Variants in MTARC1 observed in about 807,000 individuals in gnomAD.
MTARC1 encodes mitochondrial amidoxime reducing component 1, also known as mitochondrial amidoxime-reducing component 1.
In MTARC1, 24 loss-of-function variants were observed where a neutral mutation model predicts 33.6. The ratio of observed to expected loss-of-function variants is 0.72; its 90% CI spans 0.52 to 1.01. The LOEUF (loss-of-function observed/expected upper bound fraction) is 1.01, where lower values mean the gene tolerates loss of function less well. Ranked by LOEUF, MTARC1 falls within the 50% of genes least tolerant of loss-of-function variation. MTARC1 has a pLI of 0.00. For missense variants in MTARC1, 417 were observed against 445.7 expected (o/e 0.94, Z 0.58); for synonymous variants, 187 against 189.5 (o/e 0.99, Z 0.11).
At chr1:220,793,057 C>T (rs1008655181) in intron 2 of MTARC1, 4 of 152,078 alleles carry the variant, frequency 2.6e-5, no homozygotes, top group African/African-American at 9.7e-5. Flanking sequence ...AATATGGATC[C>T]TGTAGGCTTT....
intron 4 of MTARC1, among the ~76,000 whole-genome samples, chr1:220,802,921 G>A (rs531689074): frequency 6.6e-6 from 1 of 152,320 alleles, no homozygotes; most frequent in South Asian, 2.1e-4. Flanking sequence ...AATCATCAGT[G>A]TTGCTGACTT....
chr1:220,811,442 G>A (rs1448110124), intron 6 of MTARC1, among the ~76,000 whole-genome samples: 1 of 152,206 alleles, frequency 6.6e-6, no homozygotes, highest in Non-Finnish European at 1.5e-5. Context: ...TGGACACAGT[G>A]CTGCCTACAG....
rs368599756 is a variant in MTARC1 at position 220,805,290 on chromosome 1, C to T, written c.887+16C>T. On this transcript the variant is annotated intron_variant, in intron 6 of 6. Coordinates refer to ENST00000366910, the MANE Select transcript of MTARC1 (RefSeq NM_022746.4). The stretch of plus-strand genomic sequence containing the variant: ...CACTGAAGAGGTAGGACTGGGCAGA[C>T]GGGGCTCATCCTCGGGTTTAGGTGC... 31 of 1,612,154 alleles carry T rather than the reference C, an allele frequency of 1.9e-5. No homozygotes were observed. In the East Asian group the frequency reaches 2.9e-4, roughly 15 times the overall value.
intron 6 of MTARC1, among the ~76,000 whole-genome samples, chr1:220,807,564 CAG>C (rs750991213): frequency 9.9e-5 from 15 of 152,120 alleles, no homozygotes; most frequent in Non-Finnish European, 1.6e-4. Context: ...ATTTGGATGA[CAG>C]AGTGAGACTC....
chr1:220,799,023 G>A, intron 4 of MTARC1: 14 of 985,368 alleles, frequency 1.4e-5, no homozygotes, highest in Non-Finnish European at 1.7e-5. Flanking sequence ...ATGACTTTGA[G>A]CAGCCCCGCT....
rs572119643 is a variant in MTARC1, at chr1:220,816,053, G to A, written c.*2635G>A. The A allele has an allele frequency of 1.3e-4, 20 of 152,390 alleles. No homozygotes were observed. Among genetic ancestry groups the A allele is most frequent in the African/African-American group, 4.6e-4 (19 of 41,582 alleles). The allele number at this position is 152,390 out of a possible 1,614,324, so 9.4% of individuals were successfully genotyped here. The stretch of plus-strand genomic sequence containing the variant: ...GAAATTGGGGAAGGGGAGGCTGTTG[G>A]AATTCAGGCCGTTGTCCTATAGGGA... On this transcript the variant is annotated 3_prime_UTR_variant, in exon 7 of 7. Transcript: ENST00000366910.
intron 4 of MTARC1, chr1:220,798,631 C>A: frequency 1.0e-6 from 1 of 953,844 alleles, no homozygotes; most frequent in Non-Finnish European, 1.2e-6. Context: ...TAACTTGATT[C>A]TCTCCCTGGG....
intron 4 of MTARC1, among the ~76,000 whole-genome samples, chr1:220,804,696 G>GT (rs1183944155): frequency 2.7e-5 from 4 of 150,180 alleles, no homozygotes; most frequent in Middle Eastern, 6.8e-3. Context: ...GCCCCCATCT[G>GT]TCCCCCTCCC....
intron 6 of MTARC1, among the ~76,000 whole-genome samples, chr1:220,811,800 A>G (rs1182127913): frequency 1.3e-5 from 2 of 152,190 alleles, no homozygotes; most frequent in African/African-American, 4.8e-5. Flanking sequence ...AAAAATATTC[A>G]TATTTATACT....
At chr1:220,809,307 G>A (rs1558093779) in intron 6 of MTARC1, among the ~76,000 whole-genome samples, 2 of 152,070 alleles carry the variant, frequency 1.3e-5, no homozygotes, top group African/African-American at 2.4e-5. Flanking sequence ...TGTAAGCTGC[G>A]GTCATTGAGA....
intron 4 of MTARC1, among the ~76,000 whole-genome samples, chr1:220,801,247 T>C (rs11118605): frequency 6.6e-6 from 1 of 151,774 alleles, no homozygotes; most frequent in Non-Finnish European, 1.5e-5. Context: ...GCCCCAGCTG[T>C]GTCCTCTGCC....
chr1:220,806,110 A>G (rs72472341), intron 6 of MTARC1, among the ~76,000 whole-genome samples: 4,174 of 152,324 alleles, frequency 0.027, 206 homozygotes, highest in African/African-American at 0.094. Context: ...TAAACTTTCT[A>G]TAATTACTCT....
intron 6 of MTARC1, among the ~76,000 whole-genome samples, chr1:220,808,123 T>C (rs531504439): frequency 6.6e-6 from 1 of 152,320 alleles, no homozygotes; most frequent in East Asian, 1.9e-4. Context: ...GGGGCATCCT[T>C]CCCTCTGGAT....
Position 220,787,073 on chromosome 1 carries a change from A to T in MTARC1, c.129A>T (p.Ala43=). The change falls in exon 1 of 7, where the codon GCA becomes GCT. Residue 43 remains alanine, a synonymous_variant. Transcript: ENST00000366910. ...VALGAVAWRR[A]WPTRRRRLLQ... is the part of the protein sequence containing the mutation. ...TGGGGGCTGTCGCCTGGCGCCGCGC[A>T]TGGCCCACGCGGCGCCGGCGGCTGC... The T allele has an allele frequency of 6.8e-7, 1 of 1,478,078 alleles. No individual in the cohort carries two copies. Among genetic ancestry groups the T allele is most frequent in the South Asian group, 1.3e-5 (1 of 75,872 alleles). The allele number at this position is 1,478,078 out of a possible 1,614,324, so 91.6% of individuals were successfully genotyped here. A position where few individuals can be genotyped will look rare whatever the true frequency, so the allele number is the denominator to read the frequency against.
intron 1 of MTARC1, 52 bp downstream of exon 1, chr1:220,787,271 G>A (rs1265093497): frequency 4.0e-6 from 6 of 1,509,934 alleles, no homozygotes; most frequent in Middle Eastern, 2.1e-4. Flanking sequence ...GGGGCAAGGG[G>A]GTGAGAAGGG....
chr1:220,787,287 C>A (rs752714121), intron 1 of MTARC1, 68 bp downstream of exon 1: 16 of 1,469,572 alleles, frequency 1.1e-5, no homozygotes, highest in Non-Finnish European at 1.4e-5. Flanking sequence ...AAGGGAGGAG[C>A]GCAGGGGAGG....
chr1:220,803,801 G>GT (rs60610477), intron 4 of MTARC1, among the ~76,000 whole-genome samples: 35 of 151,934 alleles, frequency 2.3e-4, no homozygotes, highest in Non-Finnish European at 4.1e-4. Flanking sequence ...CTTTTTATGT[G>GT]TTTTTTTGTG....
chr1:220,811,514 C>A (rs559399514), intron 6 of MTARC1, among the ~76,000 whole-genome samples: 1 of 152,352 alleles, frequency 6.6e-6, no homozygotes, highest in African/African-American at 2.4e-5. Flanking sequence ...ATTTGACTCT[C>A]TGTTTTCTCC....
chr1:220,801,709 G>A lies in MTARC1; in HGVS notation c.754-3343G>A, dbSNP rs184519512. ...TTTTGGCCAGGGAGTGACTGAATCCGATTTGCATGATACACATTTGCCTCT... is the reference window on the plus strand; with the variant it reads ...TTTTGGCCAGGGAGTGACTGAATCCAATTTGCATGATACACATTTGCCTCT... On this transcript the variant is annotated intron_variant, in intron 4 of 6. Coordinates refer to ENST00000366910, the MANE Select transcript of MTARC1 (RefSeq NM_022746.4). Among the ~76,000 whole-genome samples, 115 of 152,194 alleles carry A rather than the reference G, an allele frequency of 7.6e-4. 1 individual carries two copies. Among genetic ancestry groups the A allele is most frequent in the Non-Finnish European group, 1.4e-3 (96 of 67,998 alleles).
Sources: allele counts gnomAD v4.1 joint callset (sites outside exome capture counted in the v4.1 genomes callset), GRCh38; gene constraint gnomAD v4.1.1; transcripts MANE v1.5; gene names NCBI Gene and HGNC (gene_info 2026-07-23, HGNC 2026-07-21).